Variants in CCR5AS observed in about 807,000 individuals in gnomAD.
CCR5AS encodes the protein CCR5 antisense RNA.
intron 1 of CCR5AS, among the ~76,000 whole-genome samples, chr3:46,403,934 G>A (rs1278531173): frequency 6.6e-6 from 1 of 152,134 alleles, no homozygotes; most frequent in Admixed American, 6.5e-5. Context: ...CCCAGAACCA[G>A]AAAGAAAAAA....
intron 1 of CCR5AS, among the ~76,000 whole-genome samples, chr3:46,398,255 G>T (rs547282529): frequency 6.6e-6 from 1 of 152,102 alleles, no homozygotes; most frequent in African/African-American, 2.4e-5. Context: ...CAATGTTCCC[G>T]GCTGAAACAA....
intron 2 of CCR5AS, chr3:46,375,808 T>G (rs551297914): frequency 6.0e-6 from 1 of 166,872 alleles, no homozygotes; most frequent in Non-Finnish European, 1.5e-5. Flanking sequence ...AGAGAGAGGT[T>G]TTTTTCTGTT....
intron 2 of CCR5AS, among the ~76,000 whole-genome samples, chr3:46,382,913 G>A (rs540508432): frequency 1.3e-5 from 2 of 152,288 alleles, no homozygotes; most frequent in East Asian, 3.9e-4. Flanking sequence ...GCTAATAATA[G>A]TATCTGCCTT....
chr3:46,402,309 C>G (rs1458190344), intron 1 of CCR5AS, among the ~76,000 whole-genome samples: 2 of 152,146 alleles, frequency 1.3e-5, no homozygotes, highest in African/African-American at 4.8e-5. Flanking sequence ...TTTTAGGGAT[C>G]AGCCAATTAT....
intron 2 of CCR5AS, among the ~76,000 whole-genome samples, chr3:46,386,790 A>C (rs1362843358): frequency 2.0e-5 from 3 of 152,182 alleles, no homozygotes; most frequent in African/African-American, 7.2e-5. Flanking sequence ...GCTATTTCTA[A>C]AGAGTCCTTA....
chr3:46,381,821 G>C (rs973793064), intron 2 of CCR5AS, among the ~76,000 whole-genome samples: 1 of 152,216 alleles, frequency 6.6e-6, no homozygotes, highest in Non-Finnish European at 1.5e-5. Flanking sequence ...TTGAAAGTCA[G>C]ACTGACTCGA....
chr3:46,373,221 C>T lies in CCR5AS; in HGVS notation n.392-1804G>A, dbSNP rs138174483. On this transcript the variant is annotated intron_variant and non_coding_transcript_variant, in intron 2 of 3. Coordinates refer to ENST00000451485, the Ensembl canonical transcript of CCR5AS. ...TACAATGTGTCAACTCTTGACAGGG[C>T]TCTATTTTATAGGCTTCTTCTCTGG... 173 of 1,614,156 alleles carry T rather than the reference C, an allele frequency of 1.1e-4. No individual in the cohort carries two copies. In the African/African-American group the frequency reaches 2.1e-3, roughly 19 times the overall value.
In CCR5AS at chr3:46,401,217, G is replaced by T. The variant is rs1003199367; in HGVS notation, n.163+5680C>A. Among the ~76,000 whole-genome samples, 4 of 152,326 alleles carry T rather than the reference G, an allele frequency of 2.6e-5. No homozygotes were observed. In the East Asian group the frequency reaches 7.7e-4, roughly 29 times the overall value. On this transcript the variant is annotated intron_variant and non_coding_transcript_variant, in intron 1 of 3. Coordinates refer to ENST00000451485, the Ensembl canonical transcript of CCR5AS. ...GGCTTTATGTGTTCCAAAAGGATTG[G>T]TCCACGCAGGCCACAGGAAAATGGG...
intron 2 of CCR5AS, among the ~76,000 whole-genome samples, chr3:46,377,308 C>G (rs953126016): frequency 6.6e-6 from 1 of 152,216 alleles, no homozygotes; most frequent in Non-Finnish European, 1.5e-5. Context: ...TCACGACCTT[C>G]AGGATCTGAC....
At chr3:46,375,312 G>A (rs1701738113) in intron 2 of CCR5AS, 2 of 167,078 alleles carry the variant, frequency 1.2e-5, no homozygotes, top group Non-Finnish European at 2.9e-5. Context: ...AGATCTAGGT[G>A]AGGATTGATT....
intron 3 of CCR5AS, among the ~76,000 whole-genome samples, chr3:46,368,979 G>T (rs1219041757): frequency 3.9e-5 from 6 of 152,036 alleles, no homozygotes. Flanking sequence ...TGAATACAAG[G>T]CTATCTATCT....
intron 2 of CCR5AS, among the ~76,000 whole-genome samples, chr3:46,379,387 A>G (rs1701793069): frequency 6.6e-6 from 1 of 152,098 alleles, no homozygotes; most frequent in South Asian, 2.1e-4. Flanking sequence ...ATGTCCAACA[A>G]TGATAGACTG....
intron 3 of CCR5AS, among the ~76,000 whole-genome samples, chr3:46,367,323 T>G (rs1305755160): frequency 1.3e-5 from 2 of 151,416 alleles, no homozygotes; most frequent in East Asian, 1.9e-4. Flanking sequence ...TATAAAGAAT[T>G]TTTTAATAAT....
At chr3:46,378,103 G>A (rs986076120) in intron 2 of CCR5AS, among the ~76,000 whole-genome samples, 4 of 152,096 alleles carry the variant, frequency 2.6e-5, no homozygotes, top group Admixed American at 1.3e-4. Context: ...CACAACCCTC[G>A]GGGATAAGGC....
At chr3:46,402,985 C>T (rs577612203) in intron 1 of CCR5AS, among the ~76,000 whole-genome samples, 1 of 152,310 alleles carries the variant, frequency 6.6e-6, no homozygotes, top group African/African-American at 2.4e-5. Flanking sequence ...AGTGAGAATA[C>T]AAGGTATTTG....
chr3:46,376,798 C>T lies in CCR5AS; in HGVS notation n.392-5381G>A, dbSNP rs968675028. ...AGGTGGAGGGGACCCGTCTGGGTCA[C>T]GTTCACATTTTGAACATGCTGGTTT... On this transcript the variant is annotated intron_variant and non_coding_transcript_variant, in intron 2 of 3. Coordinates refer to ENST00000451485, the Ensembl canonical transcript of CCR5AS. Among the ~76,000 whole-genome samples, 43 of 152,276 alleles carry T rather than the reference C, an allele frequency of 2.8e-4. No individual in the cohort carries two copies. In the East Asian group the frequency reaches 7.3e-3, roughly 26 times the overall value.
At chr3:46,367,240 G>A (rs2040388) in intron 3 of CCR5AS, among the ~76,000 whole-genome samples, 97,812 of 151,796 alleles carry the variant, frequency 0.64, 32,442 homozygotes, top group East Asian at 0.8. Flanking sequence ...ACATGCATGT[G>A]TGCATATCAA....
intron 2 of CCR5AS, among the ~76,000 whole-genome samples, chr3:46,378,048 G>A (rs940417319): frequency 2.6e-5 from 4 of 152,176 alleles, no homozygotes; most frequent in Non-Finnish European, 5.9e-5. Flanking sequence ...CTTGTAGCTT[G>A]TTAACACATC....
At chr3:46,386,427 A>G (rs149243646) in intron 2 of CCR5AS, among the ~76,000 whole-genome samples, 167 of 152,326 alleles carry the variant, frequency 1.1e-3, no homozygotes, top group Non-Finnish European at 1.9e-3. Context: ...CCTTCTGTCC[A>G]TAGACCAAAG....
Sources: gnomAD v4.1 joint callset for allele counts (sites outside exome capture counted in the v4.1 genomes callset) on GRCh38, gnomAD v4.1.1 for gene constraint, MANE v1.5 for transcripts, NCBI Gene and HGNC (gene_info 2026-07-23, HGNC 2026-07-21) for gene names.